The following EMP2 variants were observed in gnomAD, a reference collection of about 807,000 sequenced individuals.
EMP2 encodes epithelial membrane protein 2.
A neutral mutation model predicts 13.7 loss-of-function variants in EMP2; 19 were observed. The ratio of observed to expected loss-of-function variants is 1.38; its 90% CI spans 0.97 to 2.03. The LOEUF (loss-of-function observed/expected upper bound fraction) is 2.03. EMP2 is among the 30% of genes most tolerant of loss of function. The pLI, the probability that EMP2 is intolerant of heterozygous loss-of-function variation, is 0.00. For synonymous variants in EMP2, 97 were observed against 84.7 expected (o/e 1.15, Z -0.80); for missense variants, 253 against 220.7 (o/e 1.15, Z -0.93).
chr16:10,552,978 C>T (rs557991926), intron 1 of EMP2, among the ~76,000 whole-genome samples: 1 of 152,226 alleles, frequency 6.6e-6, no homozygotes, highest in African/African-American at 2.4e-5. Context: ...ATTAGGCACT[C>T]CGAAAAACAA....
At chr16:10,543,524 T>G in intron 3 of EMP2, 46 bp downstream of exon 3, 1 of 1,602,220 alleles carries the variant, frequency 6.2e-7, no homozygotes, top group Non-Finnish European at 8.6e-7. Context: ...TGACCGTTCC[T>G]TCCTCCCTCA....
intron 1 of EMP2, among the ~76,000 whole-genome samples, chr16:10,579,118 C>G (rs2051004203): frequency 6.6e-6 from 1 of 152,202 alleles, no homozygotes; most frequent in Non-Finnish European, 1.5e-5. Flanking sequence ...GGGTGAGGCT[C>G]CCAGGGAGAA....
In EMP2 at chr16:10,564,832, G is replaced by A. The variant is rs1457481224; in HGVS notation, c.-61+15717C>T. Among the ~76,000 whole-genome samples the A allele has an allele frequency of 2.6e-5, 4 of 152,088 alleles. No homozygotes were observed. The East Asian group carries it at 5.8e-4, about 22-fold the overall frequency. On this transcript the variant is annotated intron_variant, in intron 1 of 4. Coordinates refer to ENST00000359543, the MANE Select transcript of EMP2 (RefSeq NM_001424.6). Reference sequence around the variant, plus strand: ...ACATTTCAGGCACTGTCCCAGCAACGCTTATGTCGACATTTCCCCAAATCT... The same window carrying A: ...ACATTTCAGGCACTGTCCCAGCAACACTTATGTCGACATTTCCCCAAATCT...
At chr16:10,564,211 C>T (rs999286971) in intron 1 of EMP2, among the ~76,000 whole-genome samples, 1 of 152,140 alleles carries the variant, frequency 6.6e-6, no homozygotes, top group African/African-American at 2.4e-5. Context: ...GTAATTCTGG[C>T]CAGGCACAGT....
chr16:10,543,759 C>G, intron 2 of EMP2, 99 bp from the exon 3 acceptor site: 1 of 1,080,858 alleles, frequency 9.3e-7, no homozygotes, highest in South Asian at 1.3e-5. Flanking sequence ...CCAGGATTCT[C>G]AAACTGCAAC....
chr16:10,540,200 T>A lies in EMP2; in HGVS notation c.170-2126A>T, dbSNP rs181454401. Among the ~76,000 whole-genome samples, 13 of 152,224 alleles carry A rather than the reference T, an allele frequency of 8.5e-5. No homozygotes were observed. In the East Asian group the frequency reaches 2.5e-3, roughly 29 times the overall value. On this transcript the variant is annotated intron_variant, in intron 3 of 4. Transcript: ENST00000359543. The stretch of plus-strand genomic sequence containing the variant: ...TCACGGAATGAGAGGGATGCTCACT[T>A]TGCTCAGTTTAAATTCCTCTAAGGG...
At chr16:10,568,412 C>T (rs551799392) in intron 1 of EMP2, among the ~76,000 whole-genome samples, 15 of 152,224 alleles carry the variant, frequency 9.9e-5, no homozygotes, top group African/African-American at 2.6e-4. Context: ...TTCACAGGTG[C>T]CTCTCAGATT....
intron 3 of EMP2, among the ~76,000 whole-genome samples, chr16:10,540,370 G>T (rs903906802): frequency 3.3e-5 from 5 of 152,104 alleles, no homozygotes; most frequent in Admixed American, 6.5e-5. Flanking sequence ...GCTGGGTGTG[G>T]TGGCACACAC....
At chr16:10,540,300 G>GTT (rs1237006813) in intron 3 of EMP2, among the ~76,000 whole-genome samples, 1 of 152,200 alleles carries the variant, frequency 6.6e-6, no homozygotes, top group Non-Finnish European at 1.5e-5. Context: ...GAGGTCAGGA[G>GTT]TTTGAGACCA....
rs2142163772 is a variant in EMP2 at position 10,531,751 on chromosome 16, GAAT to G, written c.*1151_*1153del. On this transcript the variant is annotated 3_prime_UTR_variant, in exon 5 of 5. Transcript: ENST00000359543. ...CATGCAAGTTATGATTTATGTTGATGAATGAATGAATGAATGAATGAATGAATG... is the reference window on the plus strand; with the variant it reads ...CATGCAAGTTATGATTTATGTTGATGGAATGAATGAATGAATGAATGAATG... 8.4e-5 allele frequency: 1 copy of G among 11,836 alleles called. No homozygotes were observed. The highest frequency in any genetic ancestry group is 2.9e-4 in the African/African-American group (1 of 3,398). 0.7% of individuals were successfully genotyped at this position (11,836 alleles called of 1,614,324 possible). A position where few individuals can be genotyped will look rare whatever the true frequency, so the allele number is the denominator to read the frequency against.
intron 2 of EMP2, 59 bp from the exon 3 acceptor site, chr16:10,543,719 T>G (rs1028386588): frequency 6.5e-6 from 10 of 1,541,808 alleles, no homozygotes; most frequent in Non-Finnish European, 9.0e-6. Context: ...AAACACTGAC[T>G]GCTAATTAGG....
intron 1 of EMP2, among the ~76,000 whole-genome samples, chr16:10,566,756 T>C (rs920836729): frequency 6.6e-6 from 1 of 152,152 alleles, no homozygotes. Flanking sequence ...TGTCCATCAG[T>C]GTGTTCGCTG....
intron 1 of EMP2, among the ~76,000 whole-genome samples, chr16:10,579,089 C>A (rs769176058): frequency 1.3e-5 from 2 of 152,288 alleles, no homozygotes; most frequent in East Asian, 3.9e-4. Flanking sequence ...AACAGGAGAG[C>A]GTGCTGGAAA....
At chr16:10,567,201 G>A (rs13332177) in intron 1 of EMP2, among the ~76,000 whole-genome samples, 7,409 of 152,192 alleles carry the variant, frequency 0.049, 608 homozygotes, top group African/African-American at 0.17. Flanking sequence ...GATTTATGTC[G>A]GTCTCATCAC....
chr16:10,579,810 T>A (rs992408914), intron 1 of EMP2, among the ~76,000 whole-genome samples: 4 of 152,098 alleles, frequency 2.6e-5, no homozygotes, highest in African/African-American at 9.7e-5. Context: ...AGCTTTGCCC[T>A]GTGGTGTCTT....
chr16:10,553,314 C>T (rs528952690), intron 1 of EMP2, among the ~76,000 whole-genome samples: 15 of 152,366 alleles, frequency 9.8e-5, no homozygotes, highest in African/African-American at 3.6e-4. Flanking sequence ...TGCGAGAACA[C>T]TTATTCTTCA....
chr16:10,578,080 T>G (rs1345009599), intron 1 of EMP2: 1 of 151,950 alleles, frequency 6.6e-6, no homozygotes, highest in Non-Finnish European at 1.5e-5. Context: ...GAAGGACATT[T>G]ATATATTTTC....
intron 1 of EMP2, among the ~76,000 whole-genome samples, chr16:10,551,982 A>T (rs935555305): frequency 6.6e-6 from 1 of 152,200 alleles, no homozygotes; most frequent in African/African-American, 2.4e-5. Context: ...GATTCTGTGC[A>T]TCACCAATTA....
chr16:10,548,025 C>T (rs1245545140), intron 1 of EMP2, among the ~76,000 whole-genome samples: 4 of 125,660 alleles, frequency 3.2e-5, no homozygotes, highest in African/African-American at 1.1e-4. Flanking sequence ...CAAAGCAAGG[C>T]TCTGTCTGTT....
Sources: allele counts gnomAD v4.1 joint callset (sites outside exome capture counted in the v4.1 genomes callset), GRCh38; gene constraint gnomAD v4.1.1; transcripts MANE v1.5; gene names NCBI Gene and HGNC (gene_info 2026-07-23, HGNC 2026-07-21).